Variants in ABCC3 observed in about 807,000 individuals in gnomAD.
The protein encoded by ABCC3 is ATP-binding cassette sub-family C member 3.
Under a neutral mutation model 165.3 loss-of-function variants are expected in ABCC3, and 121 were observed. The observed-to-expected ratio is 0.73, with a 90% CI of 0.63 to 0.85. ABCC3 has a LOEUF of 0.85. Ranked by LOEUF, ABCC3 falls within the 40% of genes least tolerant of loss-of-function variation. The pLI is 0.00. For synonymous variants in ABCC3, 733 were observed against 810.1 expected (o/e 0.90, Z 1.62); for missense variants, 1,869 against 1,964.1 (o/e 0.95, Z 0.92).
intron 1 of ABCC3, among the ~76,000 whole-genome samples, chr17:50,639,613 C>T (rs2054209184): frequency 6.6e-6 from 1 of 152,106 alleles, no homozygotes; most frequent in South Asian, 2.1e-4. Context: ...GAAATGAGAC[C>T]TGGTATGCCA....
intron 30 of ABCC3, among the ~76,000 whole-genome samples, chr17:50,689,073 G>A (rs1968073611): frequency 6.6e-6 from 1 of 152,170 alleles, no homozygotes; most frequent in African/African-American, 2.4e-5. Flanking sequence ...CATGTGGCAG[G>A]CACCTGTAGT....
At chr17:50,648,157 T>C (rs1597840979) in intron 1 of ABCC3, among the ~76,000 whole-genome samples, 1 of 150,504 alleles carries the variant, frequency 6.6e-6, no homozygotes, top group East Asian at 1.9e-4. Flanking sequence ...GAATAAAGAA[T>C]GTAAACCTAC....
intron 2 of ABCC3, 111 bp from the exon 3 acceptor site, chr17:50,656,591 G>GT: frequency 7.0e-7 from 1 of 1,434,018 alleles, no homozygotes; most frequent in Non-Finnish European, 9.4e-7. Flanking sequence ...CTCAGTGCCA[G>GT]TCCCAGGCAG....
Position 50,675,372 on chromosome 17 carries a change from T to C in ABCC3, c.2610T>C (p.Gly870=). 6.2e-7 allele frequency: 1 copy of C among 1,612,594 alleles called. No individual in the cohort carries two copies. The highest frequency in any genetic ancestry group is 8.5e-7 in the Non-Finnish European group (1 of 1,179,138). The change falls in exon 20 of 31, where the codon GGT becomes GGC. Residue 870 remains glycine (G), a synonymous_variant. Transcript: ENST00000285238. ...CCCACCCTACTGCAGCGTTGGAAGGTGCAGAGGATAAGGAGGCACTGCTGA... is the reference window on the plus strand; with the variant it reads ...CCCACCCTACTGCAGCGTTGGAAGGCGCAGAGGATAAGGAGGCACTGCTGA... ...HLEDSWTALE[G]AEDKEALLIE...
chr17:50,634,961 G>T lies in ABCC3; in HGVS notation c.25G>T (p.Glu9Ter). The T allele has an allele frequency of 7.9e-7, 1 of 1,261,232 alleles. No individual in the cohort carries two copies. Among genetic ancestry groups the T allele is most frequent in the South Asian group, 3.4e-5 (1 of 29,480 alleles). 78.1% of individuals were successfully genotyped at this position (1,261,232 alleles called of 1,614,324 possible). ...CATGGACGCCCTGTGCGGTTCCGGG[G>T]AGCTCGGCTCCAAGTTCTGGGTAAG... MDALCGSG[E>*]LGSKFWDSNL... Residue 9 changes from glutamate (E) to a stop codon, truncating the protein, a stop_gained, in exon 1 of 31, where the codon GAG (glutamate) becomes TAG (stop). Transcript: ENST00000285238. LOFTEE classifies it high-confidence loss of function.
intron 1 of ABCC3, among the ~76,000 whole-genome samples, chr17:50,652,905 A>C (rs530304064): frequency 6.6e-6 from 1 of 152,350 alleles, no homozygotes; most frequent in African/African-American, 2.4e-5. Flanking sequence ...TTGGAATCTG[A>C]GATAGAACTC....
chr17:50,672,420 T>A (rs1264755174), intron 17 of ABCC3, among the ~76,000 whole-genome samples: 1 of 152,236 alleles, frequency 6.6e-6, no homozygotes, highest in Non-Finnish European at 1.5e-5. Flanking sequence ...TATCCGTAGA[T>A]GGGTTGGGCA....
chr17:50,677,692 C>A (rs1314183471), intron 23 of ABCC3, 52 bp from the exon 24 acceptor site: 2 of 1,554,832 alleles, frequency 1.3e-6, no homozygotes, highest in Non-Finnish European at 1.8e-6. Flanking sequence ...ACAGGCAGGA[C>A]TGAGTTGGGG....
At chr17:50,658,031 C>T (rs11568585) in intron 4 of ABCC3, 51 bp from the exon 5 acceptor site, 9 of 1,612,460 alleles carry the variant, frequency 5.6e-6, no homozygotes, top group Non-Finnish European at 1.7e-6. Context: ...GCAGGGGCTG[C>T]AGGCCCAGGC....
intron 27 of ABCC3, 65 bp from the exon 28 acceptor site, chr17:50,683,884 A>G: frequency 6.4e-7 from 1 of 1,573,624 alleles, no homozygotes; most frequent in Middle Eastern, 1.7e-4. Flanking sequence ...CCTCCAGGAG[A>G]GTCCTGGAGA....
intron 19 of ABCC3, among the ~76,000 whole-genome samples, chr17:50,673,967 T>C (rs1567835513): frequency 4.2e-4 from 7 of 16,546 alleles, no homozygotes; most frequent in African/African-American, 1.3e-3. Context: ...TTTCTTTCTT[T>C]CTTTCTTTCT....
chr17:50,672,795 G>T (rs746505460), intron 17 of ABCC3, among the ~76,000 whole-genome samples, 176 bp from the exon 18 acceptor site: 26 of 151,736 alleles, frequency 1.7e-4, no homozygotes, highest in Admixed American at 3.9e-4. Context: ...TTGCTCAAAC[G>T]CGAGAGGCAG....
chr17:50,646,616 C>T (rs1002724009), intron 1 of ABCC3, among the ~76,000 whole-genome samples: 40 of 152,280 alleles, frequency 2.6e-4, no homozygotes, highest in African/African-American at 8.9e-4. Context: ...GCAGGGGAAT[C>T]AGCAAAGAGA....
At chr17:50,684,178 T>G (rs1382468995) in intron 28 of ABCC3, 71 bp downstream of exon 28, 1 of 1,551,992 alleles carries the variant, frequency 6.4e-7, no homozygotes, top group Non-Finnish European at 8.6e-7. Context: ...GTTCTGTAGC[T>G]TTAGGATGGA....
rs199698625 is a variant in ABCC3, at chr17:50,676,533, C to T, written c.3323C>T (p.Thr1108Met). The T allele has an allele frequency of 9.3e-6, 15 of 1,614,094 alleles. No homozygotes were observed. The highest frequency in any genetic ancestry group is 1.6e-4 in the Middle Eastern group (1 of 6,062). The change falls in exon 23 of 31, where the codon ACG becomes ATG. Residue 1108 changes from threonine (T) to methionine (M), a missense_variant. Physicochemically the swap from Thr to Met is moderately conservative, Grantham distance 81. Coordinates refer to ENST00000285238, the MANE Select transcript of ABCC3 (RefSeq NM_003786.4). ...ISTLVVIMAS[T>M]PLFTVVILPL... ...ACTCTTGTGGTCATCATGGCCAGCA[C>T]GCCGCTCTTCACTGTGGTCATCCTG...
At chr17:50,646,217 G>T (rs1332656893) in intron 1 of ABCC3, among the ~76,000 whole-genome samples, 1 of 152,178 alleles carries the variant, frequency 6.6e-6, no homozygotes, top group Non-Finnish European at 1.5e-5. Context: ...CAGGATGTCT[G>T]GGGGAGGAGT....
intron 26 of ABCC3, among the ~76,000 whole-genome samples, chr17:50,680,267 A>C (rs1967905163): frequency 6.6e-6 from 1 of 152,168 alleles, no homozygotes; most frequent in Admixed American, 6.5e-5. Context: ...ACAGGCTTTG[A>C]TAGACTAAGT....
Position 50,668,878 on chromosome 17 carries a change from C to T in ABCC3, c.1896C>T (p.Gly632=), listed in dbSNP as rs1474505112. 1.2e-6 allele frequency: 2 copies of T among 1,613,906 alleles called. No homozygotes were observed. Among genetic ancestry groups the T allele is most frequent in the African/African-American group, 1.3e-5 (1 of 74,890 alleles). Residue 632 remains glycine, a synonymous_variant, in exon 15 of 31, where the codon GGC becomes GGT. Coordinates refer to ENST00000285238, the MANE Select transcript of ABCC3 (RefSeq NM_003786.4). ...SPGYAITIHS[G]TFTWAQDLPP... ...GCTATGCCATCACCATACACAGTGG[C>T]ACCTTCACCTGGGCCCAGGACCTGC... is the stretch of plus-strand genomic sequence containing the variant.
chr17:50,677,606 G>C (rs903649914), intron 23 of ABCC3, 138 bp from the exon 24 acceptor site: 16 of 822,756 alleles, frequency 1.9e-5, no homozygotes, highest in Non-Finnish European at 2.9e-5. Context: ...CCTTGGAGGT[G>C]GGGGAAGGCA....
Sources: allele counts gnomAD v4.1 joint callset (sites outside exome capture counted in the v4.1 genomes callset), GRCh38; gene constraint gnomAD v4.1.1; transcripts MANE v1.5; gene names NCBI Gene and HGNC (gene_info 2026-07-23, HGNC 2026-07-21).